Variants in TMEM38A observed in about 807,000 individuals in gnomAD.
The protein encoded by TMEM38A is transmembrane protein 38A, also known as trimeric intracellular cation channel type A.
In TMEM38A, 17 loss-of-function variants were observed where a neutral mutation model predicts 28.6. That is an observed-to-expected ratio of 0.60 (90% CI 0.41 to 0.89). The LOEUF (loss-of-function observed/expected upper bound fraction) is 0.89. TMEM38A is among the 40% of genes least tolerant of loss of function. The pLI is 0.00. For synonymous variants in TMEM38A, 169 were observed against 166.1 expected (o/e 1.02, Z -0.14); for missense variants, 328 against 393.1 (o/e 0.83, Z 1.40).
chr19:16,675,516 G>A (rs143459483), intron 1 of TMEM38A, among the ~76,000 whole-genome samples: 1 of 148,704 alleles, frequency 6.7e-6, no homozygotes, highest in African/African-American at 2.5e-5. Flanking sequence ...TTACAGGTGT[G>A]AGTCACCACG....
intron 3 of TMEM38A, 104 bp downstream of exon 3, chr19:16,680,685 G>A (rs2122594468): frequency 8.2e-7 from 1 of 1,212,156 alleles, no homozygotes; most frequent in Non-Finnish European, 1.2e-6. Flanking sequence ...CAGGCACAGG[G>A]GCATAAAGAC....
chr19:16,688,183 G>T lies in TMEM38A; in HGVS notation c.712G>T (p.Asp238Tyr). The T allele has an allele frequency of 1.4e-6, 2 of 1,476,768 alleles. No individual in the cohort carries two copies. The highest frequency in any genetic ancestry group is 1.8e-4 in the Middle Eastern group (1 of 5,480). 91.5% of individuals were successfully genotyped at this position (1,476,768 alleles called of 1,614,324 possible). The change falls in exon 6 of 6, where the codon GAT becomes TAT. Residue 238 changes from aspartate to tyrosine, a missense_variant. Asp to Tyr is a radical substitution (Grantham distance 160). Transcript: ENST00000187762. ...TATHSHSSPF[D>Y]ALEGYICPVL... ...CACCCACTCACACAGCTCCCCCTTT[G>T]ATGCCCTGGAGGGCTACATCTGCCC... is the stretch of plus-strand genomic sequence containing the variant.
chr19:16,686,512 C>A, intron 5 of TMEM38A, 107 bp downstream of exon 5: 1 of 825,062 alleles, frequency 1.2e-6, no homozygotes, highest in Non-Finnish European at 2.0e-6. Context: ...GTGGCTGGGA[C>A]AGGCAGCCCA....
At chr19:16,666,271 G>A (rs1212785421) in intron 1 of TMEM38A, among the ~76,000 whole-genome samples, 2 of 151,604 alleles carry the variant, frequency 1.3e-5, no homozygotes, top group Admixed American at 6.6e-5. Flanking sequence ...CAGCCATTGC[G>A]CCTGGCCCAT....
At chr19:16,683,572 G>A (rs1356810578) in intron 4 of TMEM38A, among the ~76,000 whole-genome samples, 1 of 144,380 alleles carries the variant, frequency 6.9e-6, no homozygotes, top group African/African-American at 2.7e-5. Context: ...CAGCTTGGGT[G>A]GCAGAGCAAG....
At position 16,661,370 on chromosome 19, in the gene TMEM38A, C is replaced by A. The variant is rs753093593; in HGVS notation, c.124+29C>A. 6.5e-7 allele frequency: 1 copy of A among 1,547,970 alleles called. No homozygotes were observed. Among genetic ancestry groups the A allele is most frequent in the Non-Finnish European group, 8.7e-7 (1 of 1,144,650 alleles). ...AGCCGGGGCGGGGGGCTGGAGGGGA[C>A]CGGCAGCGGGTGGCGCGGGCCGGGG... On this transcript the variant is annotated intron_variant, in intron 1 of 5. Transcript: ENST00000187762. This position sits in a 1 kb window ranked among gnomAD's most constrained non-coding sequence, Gnocchi z 6.5.
intron 1 of TMEM38A, among the ~76,000 whole-genome samples, chr19:16,662,436 C>CTTTTTTTTTT (rs35226829): frequency 4.0e-5 from 3 of 75,852 alleles, no homozygotes; most frequent in Non-Finnish European, 7.5e-5. Context: ...TAAATGCACG[C>CTTTTTTTTTT]TTTTTTTTTT....
chr19:16,661,389 G>T lies in TMEM38A; in HGVS notation c.124+48G>T, dbSNP rs779409699. 1.2e-4 allele frequency: 176 copies of T among 1,480,786 alleles called. 3 individuals carry two copies. The South Asian group carries it at 2.2e-3, about 19-fold the overall frequency. 91.7% of individuals were successfully genotyped at this position (1,480,786 alleles called of 1,614,324 possible). A position where few individuals can be genotyped will look rare whatever the true frequency, so the allele number is the denominator to read the frequency against. ...AGGGGACCGGCAGCGGGTGGCGCGG[G>T]CCGGGGCAGCTCGGGGGTCGCAGAG... is the stretch of plus-strand genomic sequence containing the variant. On this transcript the variant is annotated intron_variant, in intron 1 of 5. Coordinates refer to ENST00000187762, the MANE Select transcript of TMEM38A (RefSeq NM_024074.4). This position sits in a 1 kb window ranked among gnomAD's most constrained non-coding sequence, Gnocchi z 6.5.
chr19:16,684,198 G>T (rs1274129184), intron 4 of TMEM38A, among the ~76,000 whole-genome samples: 1 of 152,096 alleles, frequency 6.6e-6, no homozygotes, highest in South Asian at 2.1e-4. Context: ...GTGAAGCTGG[G>T]CATGGTGGCC....
At chr19:16,664,873 TAATAAA>T (rs939008431) in intron 1 of TMEM38A, among the ~76,000 whole-genome samples, 1 of 147,368 alleles carries the variant, frequency 6.8e-6, no homozygotes, top group African/African-American at 2.5e-5. Flanking sequence ...ATAATAATAA[TAATAAA>T]AAAAGAATGT....
chr19:16,662,328 G>T (rs1377557120), intron 1 of TMEM38A, among the ~76,000 whole-genome samples: 1 of 151,552 alleles, frequency 6.6e-6, no homozygotes, highest in African/African-American at 2.4e-5. Context: ...AAACTGAAAA[G>T]GGCAAAGGAA....
At chr19:16,670,981 G>A (rs2086724832) in intron 1 of TMEM38A, among the ~76,000 whole-genome samples, 1 of 151,938 alleles carries the variant, frequency 6.6e-6, no homozygotes, top group Non-Finnish European at 1.5e-5. Context: ...GGAAACCCCT[G>A]GGACCCAGGC....
intron 1 of TMEM38A, among the ~76,000 whole-genome samples, chr19:16,662,258 GAA>G (rs2086685258): frequency 6.6e-6 from 1 of 151,884 alleles, no homozygotes; most frequent in Admixed American, 6.6e-5. Context: ...CTATAGCTCA[GAA>G]AGGAAATAGC....
chr19:16,672,394 A>G (rs1387040555), intron 1 of TMEM38A, among the ~76,000 whole-genome samples: 1 of 149,822 alleles, frequency 6.7e-6, no homozygotes, highest in East Asian at 1.9e-4. Context: ...CATAAAATAC[A>G]CTCACACTAA....
chr19:16,673,804 C>T (rs1019683200), intron 1 of TMEM38A, among the ~76,000 whole-genome samples: 15 of 151,962 alleles, frequency 9.9e-5, no homozygotes, highest in African/African-American at 1.2e-4. Context: ...ACCAGAAATG[C>T]GCAGGCCTGC....
At chr19:16,687,570 G>A (rs971321482) in intron 5 of TMEM38A, among the ~76,000 whole-genome samples, 7 of 152,142 alleles carry the variant, frequency 4.6e-5, no homozygotes, top group Non-Finnish European at 1.0e-4. Flanking sequence ...TGGAGGCTGG[G>A]AAGTCCAAGA....
At position 16,689,284 on chromosome 19, in the gene TMEM38A, G is replaced by A. The variant is rs1303046831; in HGVS notation, c.*913G>A. Reference sequence around the variant, plus strand: ...CCCCTCTGTACGGAAGGGCCGATGCGAAGCTGCAGTTAAAAAAGGCTCACA... The same window carrying A: ...CCCCTCTGTACGGAAGGGCCGATGCAAAGCTGCAGTTAAAAAAGGCTCACA... On this transcript the variant is annotated 3_prime_UTR_variant, in exon 6 of 6. Transcript: ENST00000187762. The A allele has an allele frequency of 6.6e-6, 1 of 152,258 alleles. No individual in the cohort carries two copies. The highest frequency in any genetic ancestry group is 1.5e-5 in the Non-Finnish European group (1 of 68,076). 9.4% of individuals were successfully genotyped at this position (152,258 alleles called of 1,614,324 possible).
intron 3 of TMEM38A, 47 bp from the exon 4 acceptor site, chr19:16,682,374 G>A (rs372195417): frequency 2.7e-6 from 4 of 1,503,158 alleles, no homozygotes; most frequent in Middle Eastern, 1.7e-4. Flanking sequence ...CAAGAGGAAA[G>A]GAGACCTGGG....
intron 5 of TMEM38A, among the ~76,000 whole-genome samples, chr19:16,686,962 C>T (rs1176468244): frequency 6.6e-6 from 1 of 152,176 alleles, no homozygotes. Flanking sequence ...GTTTGTAGCT[C>T]TACCCCAGGC....
Sources: gnomAD v4.1 joint callset for allele counts (sites outside exome capture counted in the v4.1 genomes callset) on GRCh38, gnomAD v4.1.1 for gene constraint, Gnocchi (gnomAD v3.1) non-coding constraint, MANE v1.5 for transcripts, NCBI Gene and HGNC (gene_info 2026-07-23, HGNC 2026-07-21) for gene names.